Variants in CERS4 observed in about 807,000 individuals in gnomAD.
CERS4 encodes ceramide synthase 4, also known as LAG1 homolog, ceramide synthase 4.
CERS4 carries 65 observed loss-of-function variants against 51.8 expected under a neutral mutation model. The observed-to-expected ratio is 1.26, with a 90% CI of 1.03 to 1.54. The LOEUF (loss-of-function observed/expected upper bound fraction) is 1.54, where lower values mean the gene tolerates loss of function less well. Among genes scored for constraint, CERS4 ranks in the 40% most tolerant of loss-of-function variants. The probability of loss-of-function intolerance (pLI) is 0.00; values close to 1 mark genes in which losing one functional copy is unlikely to be tolerated. For synonymous variants in CERS4, 228 were observed against 208.4 expected, an observed-to-expected ratio of 1.09 and a Z score of -0.81; for missense variants, 563 against 500.4, an observed-to-expected ratio of 1.13 and a Z score of -1.19.
intron 2 of CERS4, among the ~76,000 whole-genome samples, chr19:8,221,884 T>A (rs529362547): frequency 0.014 from 1,387 of 96,772 alleles, 67 homozygotes; most frequent in African/African-American, 0.056. Flanking sequence ...TTTTTTTTTT[T>A]TTTTTTTTTT....
At position 8,253,169 on chromosome 19, in the gene CERS4, G is replaced by A. The variant is rs530453884; in HGVS notation, c.174-1330G>A. On this transcript the variant is annotated intron_variant, in intron 3 of 11. Coordinates refer to ENST00000251363, the MANE Select transcript of CERS4 (RefSeq NM_024552.3). ...TTCGGTCCCCACCTGTGGTGTTGGC[G>A]CGCCCTCTTGTGGGCAACGTGGCCA... Among the ~76,000 whole-genome samples, 6 of 152,360 alleles carry A rather than the reference G, an allele frequency of 3.9e-5. No homozygotes were observed. In the South Asian group the frequency reaches 1.2e-3, roughly 32 times the overall value.
At chr19:8,247,925 G>A (rs1368723126) in intron 2 of CERS4, among the ~76,000 whole-genome samples, 1 of 151,592 alleles carries the variant, frequency 6.6e-6, no homozygotes, top group Non-Finnish European at 1.5e-5. Context: ...GTAGAGATGA[G>A]GTTTCACCAT....
In CERS4 at chr19:8,254,564, C is replaced by T. The variant is rs1303507707; in HGVS notation, c.239C>T (p.Pro80Leu). The T allele has an allele frequency of 1.9e-6, 3 of 1,613,372 alleles. No homozygotes were observed. The Admixed American group carries it at 5.0e-5, about 27-fold the overall frequency. Residue 80 changes from proline (P) to leucine (L), a missense_variant, in exon 4 of 12, where the codon CCC (proline) becomes CTC (leucine). Physicochemically the swap from Pro to Leu is moderately conservative, Grantham distance 98. Coordinates refer to ENST00000251363, the MANE Select transcript of CERS4 (RefSeq NM_024552.3). ...GATCAGACCAGGAGGCAAGTGAAGC[C>T]CAACGCCACGCTGGAGAAACACTTC... ...VRDQTRRQVK[P>L]NATLEKHFLT...
In CERS4 at chr19:8,250,291, AC is replaced by A. The variant is rs1327012184; in HGVS notation, c.-1-781del. 2.1e-4 allele frequency among the ~76,000 whole-genome samples: 32 copies of A among 151,926 alleles called. 1 individual carries two copies. The highest frequency in any genetic ancestry group is 2.1e-3 in the Admixed American group (32 of 15,208). ...TGCCCGGCCACGACTCAAGTTTCTG[AC>A]CCCAAGCAGCCACTCCCTTGACTTC... On this transcript the variant is annotated intron_variant, in intron 2 of 11. Transcript: ENST00000251363.
chr19:8,249,980 C>A (rs1171476436), intron 2 of CERS4, among the ~76,000 whole-genome samples: 1 of 151,560 alleles, frequency 6.6e-6, no homozygotes, highest in Non-Finnish European at 1.5e-5. Flanking sequence ...TTTGAGGACT[C>A]AAGTTCTTTT....
chr19:8,242,806 A>G (rs1199457054), intron 2 of CERS4, among the ~76,000 whole-genome samples: 1 of 152,164 alleles, frequency 6.6e-6, no homozygotes, highest in Non-Finnish European at 1.5e-5. Flanking sequence ...AGTATCAGTC[A>G]GTAAACTGGT....
intron 2 of CERS4, among the ~76,000 whole-genome samples, chr19:8,242,622 T>C (rs1286702264): frequency 6.6e-6 from 1 of 152,108 alleles, no homozygotes; most frequent in Non-Finnish European, 1.5e-5. Flanking sequence ...GAAGGATGCA[T>C]AGGAGTTTGC....
chr19:8,262,143 C>T lies in CERS4; in HGVS notation c.*34C>T, dbSNP rs76848957. ...GGCTGGCTGTAAGGGGTTGCCCCCC[C>T]GCCAGTGCCTTGGATATTTCTGGGG... On this transcript the variant is annotated 3_prime_UTR_variant, in exon 12 of 12. Coordinates refer to ENST00000251363, the MANE Select transcript of CERS4 (RefSeq NM_024552.3). 1.6e-4 allele frequency: 228 copies of T among 1,428,820 alleles called. No individual in the cohort carries two copies. The highest frequency in any genetic ancestry group is 1.9e-4 in the Non-Finnish European group (204 of 1,094,140). The allele number at this position is 1,428,820 out of a possible 1,614,324, so 88.5% of individuals were successfully genotyped here. A position where few individuals can be genotyped will look rare whatever the true frequency, so the allele number is the denominator to read the frequency against.
Position 8,214,127 on chromosome 19 carries a change from C to G in CERS4, c.-2+3265C>G, listed in dbSNP as rs1432841466. On this transcript the variant is annotated intron_variant, in intron 2 of 11. Transcript: ENST00000251363. ...CTTTCCCTCCCTACCCCCTCCTGGA[C>G]TCCCAGAGACAGATTTTAATCCAGG... Among the ~76,000 whole-genome samples, 3 of 151,628 alleles carry G rather than the reference C, an allele frequency of 2.0e-5. No homozygotes were observed. The East Asian group carries it at 5.8e-4, about 29-fold the overall frequency.
intron 9 of CERS4, 167 bp downstream of exon 9, chr19:8,257,244 G>A (rs1969442090): frequency 7.1e-6 from 5 of 708,096 alleles, no homozygotes; most frequent in Non-Finnish European, 1.1e-5. Context: ...AGGCTGATAA[G>A]GCCCCACCCC....
At chr19:8,211,015 A>G (rs1354384394) in intron 2 of CERS4, among the ~76,000 whole-genome samples, 153 bp downstream of exon 2, 2 of 151,122 alleles carry the variant, frequency 1.3e-5, no homozygotes, top group African/African-American at 4.9e-5. Flanking sequence ...GATCGATGAA[A>G]GCCGAGGCTA....
chr19:8,221,975 G>A (rs1487927207), intron 2 of CERS4, among the ~76,000 whole-genome samples: 5 of 126,278 alleles, frequency 4.0e-5, no homozygotes, highest in African/African-American at 1.2e-4. Context: ...TCCGCCTCCC[G>A]GGTTCACGCC....
At chr19:8,259,559 G>A (rs990803876) in intron 10 of CERS4, among the ~76,000 whole-genome samples, 1 of 152,110 alleles carries the variant, frequency 6.6e-6, no homozygotes, top group Non-Finnish European at 1.5e-5. Context: ...AAACATCATG[G>A]GAAGTGTGGG....
At chr19:8,257,638 C>T (rs1969465556) in intron 9 of CERS4, among the ~76,000 whole-genome samples, 1 of 152,162 alleles carries the variant, frequency 6.6e-6, no homozygotes, top group Non-Finnish European at 1.5e-5. Context: ...CCATGTTGGC[C>T]AGGCTGGTCT....
chr19:8,257,958 A>G lies in CERS4; in HGVS notation c.821A>G (p.Tyr274Cys), dbSNP rs1969485965. ...CTCATCTTCTCCTTTGTCTTCTTCT[A>G]CACCCGACTGGTCCTCTTTCCCACC... ...LFLIFSFVFF[Y>C]TRLVLFPTQI... The change falls in exon 10 of 12, where the codon TAC becomes TGC. Residue 274 changes from tyrosine (Y) to cysteine (C), a missense_variant. By Grantham distance (194) the Tyr-to-Cys change is radical. Coordinates refer to ENST00000251363, the MANE Select transcript of CERS4 (RefSeq NM_024552.3). The G allele has an allele frequency of 6.2e-7, 1 of 1,613,562 alleles. No homozygotes were observed. The highest frequency in any genetic ancestry group is 8.5e-7 in the Non-Finnish European group (1 of 1,179,766).
At chr19:8,219,975 C>T (rs1401859041) in intron 2 of CERS4, among the ~76,000 whole-genome samples, 3 of 108,324 alleles carry the variant, frequency 2.8e-5, no homozygotes, top group Non-Finnish European at 5.7e-5. Flanking sequence ...AGAGTGGAAT[C>T]CTGTTGTCTC....
At chr19:8,218,652 G>C (rs889697361) in intron 2 of CERS4, among the ~76,000 whole-genome samples, 1 of 150,202 alleles carries the variant, frequency 6.7e-6, no homozygotes, top group Non-Finnish European at 1.5e-5. Flanking sequence ...CTGGTACTCA[G>C]AGCCACTGCT....
At chr19:8,212,669 G>A (rs914755513) in intron 2 of CERS4, among the ~76,000 whole-genome samples, 34 of 151,776 alleles carry the variant, frequency 2.2e-4, no homozygotes, top group South Asian at 2.1e-4. Flanking sequence ...ATGGAGTTTC[G>A]TTCTTGTCGC....
intron 2 of CERS4, among the ~76,000 whole-genome samples, chr19:8,215,344 C>T (rs535193122): frequency 2.6e-5 from 4 of 151,896 alleles, no homozygotes; most frequent in East Asian, 3.9e-4. Flanking sequence ...CCAGGTGCAG[C>T]GGTGTGTGCC....
Sources: allele counts gnomAD v4.1 joint callset (sites outside exome capture counted in the v4.1 genomes callset), GRCh38; gene constraint gnomAD v4.1.1; transcripts MANE v1.5; gene names NCBI Gene and HGNC (gene_info 2026-07-23, HGNC 2026-07-21).